The following EFHC2 variants were observed in gnomAD, a reference collection of about 807,000 sequenced individuals.
EFHC2 encodes the protein EF-hand domain-containing family member C2.
Under a neutral mutation model 52.7 loss-of-function variants are expected in EFHC2, and 18 were observed. The observed-to-expected ratio is 0.34, with a 90% CI of 0.24 to 0.51. EFHC2 has a LOEUF of 0.51. Ranked by LOEUF, EFHC2 falls within the 20% of genes least tolerant of loss-of-function variation. The probability of loss-of-function intolerance (pLI) is 0.97; values close to 1 mark genes in which losing one functional copy is unlikely to be tolerated. For synonymous variants in EFHC2, 203 were observed against 204.1 expected, an observed-to-expected ratio of 0.99 and a Z score of 0.04; for missense variants, 513 against 562.5, an observed-to-expected ratio of 0.91 and a Z score of 0.89.
chrX:44,334,152 G>C (rs1050877940), intron 1 of EFHC2, among the ~76,000 whole-genome samples: 2 of 111,965 alleles, frequency 1.8e-5, no homozygotes, highest in African/African-American at 6.5e-5. Flanking sequence ...CTAGGTGACA[G>C]AGCTACGAAG....
chrX:44,181,445 T>C (rs1602138396), intron 11 of EFHC2, among the ~76,000 whole-genome samples: 2 of 110,791 alleles, frequency 1.8e-5, no homozygotes, highest in Non-Finnish European at 1.9e-5. Context: ...AAAAAGAACA[T>C]GTGGAGCAAT....
At chrX:44,208,654 T>A (rs2037067662) in intron 11 of EFHC2, among the ~76,000 whole-genome samples, 1 of 111,251 alleles carries the variant, frequency 9.0e-6, no homozygotes, top group South Asian at 3.8e-4. Context: ...TTGTGAAAAA[T>A]TTCTGTCCTC....
At chrX:44,197,909 A>C (rs1189629034) in intron 11 of EFHC2, among the ~76,000 whole-genome samples, 2 of 112,112 alleles carry the variant, frequency 1.8e-5, no homozygotes, top group Non-Finnish European at 3.8e-5. Context: ...GCATTTACTT[A>C]CTGCTCCCAT....
chrX:44,204,857 A>AT (rs971669753), intron 11 of EFHC2, among the ~76,000 whole-genome samples: 1 of 111,946 alleles, frequency 8.9e-6, no homozygotes, highest in Non-Finnish European at 1.9e-5. Flanking sequence ...AGAGGTCAAC[A>AT]TGCAGATACA....
Position 44,248,258 on chromosome X carries a change from T to G in EFHC2, c.1111+14A>C. 9.1e-7 allele frequency: 1 copy of G among 1,104,910 alleles called. No individual in the cohort carries two copies. Among genetic ancestry groups the G allele is most frequent in the South Asian group, 2.1e-5 (1 of 46,569 alleles). The allele number at this position is 1,104,910 out of a possible 1,213,427, so 91.1% of individuals were successfully genotyped here. ...ATTTTAAAAATATTTTTAATTGACA[T>G]ATGTATCACTTACCAATTCCATATT... On this transcript the variant is annotated intron_variant, in intron 7 of 14. Transcript: ENST00000420999.
At chrX:44,260,642 GA>G (rs1368195939) in intron 4 of EFHC2, among the ~76,000 whole-genome samples, 3 of 111,674 alleles carry the variant, frequency 2.7e-5, no homozygotes, top group African/African-American at 9.8e-5. Context: ...CTAGGAGGAA[GA>G]AAAAATGTGT....
At position 44,229,737 on chromosome X, in the gene EFHC2, G is replaced by C. The variant is rs1468758149; in HGVS notation, c.1663C>G (p.Gln555Glu). The change falls in exon 11 of 15, where the codon CAA (glutamine) becomes GAA (glutamate). Residue 555 changes from glutamine to glutamate, a missense_variant. Gln to Glu is a conservative substitution (Grantham distance 29). Coordinates refer to ENST00000420999, the MANE Select transcript of EFHC2 (RefSeq NM_025184.4). ...AGCTCTCTGGATTTTCCTTCTTCTT[G>C]CTTCAGCTTTTGTAGGGCAAGTTTG... ...NLKLALQKLK[Q>E]EEGKSRELKQ... The C allele has an allele frequency of 8.3e-7, 1 of 1,209,997 alleles. No individual in the cohort carries two copies. The highest frequency in any genetic ancestry group is 1.1e-6 in the Non-Finnish European group (1 of 894,613).
chrX:44,284,821 T>C (rs2037739007), intron 2 of EFHC2: 1 of 112,099 alleles, frequency 8.9e-6, no homozygotes, highest in South Asian at 3.8e-4. Flanking sequence ...AAAAAAGCTC[T>C]CCACCTTTAA....
intron 11 of EFHC2, among the ~76,000 whole-genome samples, chrX:44,207,512 A>G (rs1401121549): frequency 9.9e-6 from 1 of 100,548 alleles, no homozygotes; most frequent in Non-Finnish European, 2.0e-5. Context: ...CTCCGTCTCT[A>G]AAAAAAAAAA....
chrX:44,180,145 A>G (rs1441748443), intron 11 of EFHC2, among the ~76,000 whole-genome samples: 1 of 112,305 alleles, frequency 8.9e-6, no homozygotes, highest in Admixed American at 9.4e-5. Context: ...GAAGGCGGAG[A>G]GAACTGATGG....
chrX:44,188,747 A>G (rs1012413224), intron 11 of EFHC2, among the ~76,000 whole-genome samples: 4 of 111,518 alleles, frequency 3.6e-5, no homozygotes, highest in African/African-American at 1.3e-4. Flanking sequence ...CAATCTGCCA[A>G]CCAGAGAAGT....
At chrX:44,235,575 G>A in intron 8 of EFHC2, 128 bp from the exon 9 acceptor site, 2 of 621,246 alleles carry the variant, frequency 3.2e-6, no homozygotes, top group South Asian at 5.1e-5. Flanking sequence ...AAGTGAAAGA[G>A]TTCAACCATC....
At chrX:44,209,016 A>AGT (rs1569284026) in intron 11 of EFHC2, among the ~76,000 whole-genome samples, 1 of 85,928 alleles carries the variant, frequency 1.2e-5, no homozygotes, top group South Asian at 7.7e-4. Flanking sequence ...GTTGATTGGC[A>AGT]ATCTGTGTGT....
chrX:44,275,259 A>G (rs1381815575), intron 2 of EFHC2, among the ~76,000 whole-genome samples: 2 of 111,984 alleles, frequency 1.8e-5, no homozygotes, highest in East Asian at 2.8e-4. Flanking sequence ...TTGGGCTTCA[A>G]TATGTCTAGA....
At chrX:44,253,938 G>T (rs2037473005) in intron 4 of EFHC2, among the ~76,000 whole-genome samples, 1 of 112,451 alleles carries the variant, frequency 8.9e-6, no homozygotes, top group Non-Finnish European at 1.9e-5. Flanking sequence ...AGCAATCTTT[G>T]CTGTTCTGCA....
chrX:44,284,191 T>A (rs1005366224), intron 2 of EFHC2: 3 of 112,017 alleles, frequency 2.7e-5, no homozygotes, highest in Non-Finnish European at 1.9e-5. Context: ...ACTGGCCTGA[T>A]TAGGGCCGGC....
intron 14 of EFHC2, among the ~76,000 whole-genome samples, chrX:44,161,338 T>C (rs749668967): frequency 8.9e-6 from 1 of 111,876 alleles, no homozygotes; most frequent in African/African-American, 3.3e-5. Context: ...CAATAGGGGC[T>C]AGTCCCCTGG....
At chrX:44,186,757 TACTC>T (rs1244341378) in intron 11 of EFHC2, among the ~76,000 whole-genome samples, 2 of 111,629 alleles carry the variant, frequency 1.8e-5, no homozygotes, top group African/African-American at 6.5e-5. Flanking sequence ...ATTCAAGACT[TACTC>T]ATATCAAATA....
At chrX:44,303,745 A>G (rs2037884766) in intron 2 of EFHC2, among the ~76,000 whole-genome samples, 1 of 112,004 alleles carries the variant, frequency 8.9e-6, no homozygotes, top group Non-Finnish European at 1.9e-5. Context: ...AATCAGCTAC[A>G]TAAATAATCA....
Sources: gnomAD v4.1 joint callset for allele counts (sites outside exome capture counted in the v4.1 genomes callset) on GRCh38, gnomAD v4.1.1 for gene constraint, MANE v1.5 for transcripts, NCBI Gene and HGNC (gene_info 2026-07-23, HGNC 2026-07-21) for gene names.